DLG1: variants seen among roughly 807,000 people sequenced by gnomAD.
The protein encoded by DLG1 is discs large MAGUK scaffold protein 1.
A neutral mutation model predicts 123.4 loss-of-function variants in DLG1; 42 were observed. The observed-to-expected ratio is 0.34, with a 90% CI of 0.27 to 0.44. The LOEUF (loss-of-function observed/expected upper bound fraction) is 0.44, where lower values mean the gene tolerates loss of function less well. Among genes scored for constraint, DLG1 ranks in the 20% least tolerant of loss-of-function variants. The probability of loss-of-function intolerance (pLI) is 1.00; values close to 1 mark genes in which losing one functional copy is unlikely to be tolerated. For missense variants in DLG1, 942 were observed against 1,082.6 expected (o/e 0.87, Z 1.82); for synonymous variants, 317 against 356.2 (o/e 0.89, Z 1.24).
intron 4 of DLG1, among the ~76,000 whole-genome samples, chr3:197,205,977 T>C (rs551238670): frequency 3.3e-5 from 5 of 152,338 alleles, no homozygotes; most frequent in African/African-American, 9.6e-5. Flanking sequence ...CAAGGAAACT[T>C]TGGGTCCACC....
chr3:197,154,968 C>T (rs980649713), intron 5 of DLG1, among the ~76,000 whole-genome samples: 3 of 152,052 alleles, frequency 2.0e-5, no homozygotes, highest in Non-Finnish European at 4.4e-5. Flanking sequence ...CCAACTAATG[C>T]ATTGTGGGAG....
intron 4 of DLG1, among the ~76,000 whole-genome samples, chr3:197,264,442 A>T (rs1214634260): frequency 1.3e-5 from 2 of 152,124 alleles, no homozygotes; most frequent in African/African-American, 4.8e-5. Flanking sequence ...TTGTTTTTTG[A>T]GATGGAGTTT....
At chr3:197,090,887 C>T in intron 15 of DLG1, 25 bp downstream of exon 15, 3 of 1,381,618 alleles carry the variant, frequency 2.2e-6, no homozygotes, top group Middle Eastern at 1.8e-4. Context: ...TAAGATTTGC[C>T]ATAATTAGAA....
In DLG1 at chr3:197,044,607, A is replaced by G; in HGVS notation, c.*16T>C. 6.4e-7 allele frequency: 1 copy of G among 1,553,352 alleles called. No homozygotes were observed. The highest frequency in any genetic ancestry group is 2.2e-5 in the East Asian group (1 of 44,450). ...AAATGGAATTGTGGAAAAGAGAAAC[A>G]GAGAAACATGAGTTTTCATAGCTTT... On this transcript the variant is annotated 3_prime_UTR_variant, in exon 25 of 25. Transcript: ENST00000667157.
chr3:197,124,497 A>T (rs1778014026), intron 11 of DLG1, among the ~76,000 whole-genome samples: 1 of 151,928 alleles, frequency 6.6e-6, no homozygotes, highest in Non-Finnish European at 1.5e-5. Context: ...GATGGTCTTG[A>T]TCTGCTGACC....
chr3:197,087,237 A>C (rs1020675905), intron 15 of DLG1, among the ~76,000 whole-genome samples: 3 of 151,776 alleles, frequency 2.0e-5, no homozygotes, highest in African/African-American at 7.3e-5. Flanking sequence ...GTTTGGTTTT[A>C]TCATATAATA....
chr3:197,142,180 C>T (rs1428847205), intron 7 of DLG1, among the ~76,000 whole-genome samples: 1 of 152,156 alleles, frequency 6.6e-6, no homozygotes, highest in African/African-American at 2.4e-5. Context: ...ATACTACTTA[C>T]TTAATACGAA....
chr3:197,266,369 G>A (rs981012691), intron 4 of DLG1, among the ~76,000 whole-genome samples: 4 of 151,898 alleles, frequency 2.6e-5, no homozygotes, highest in African/African-American at 9.7e-5. Flanking sequence ...GAAGGATAGA[G>A]TGTGTTAATT....
chr3:197,090,074 T>G (rs1052577318), intron 15 of DLG1, among the ~76,000 whole-genome samples: 13 of 152,206 alleles, frequency 8.5e-5, no homozygotes, highest in Non-Finnish European at 7.4e-5. Flanking sequence ...GATACATGTT[T>G]ATATATGTAA....
intron 5 of DLG1, among the ~76,000 whole-genome samples, chr3:197,170,375 A>C (rs1223356000): frequency 2.6e-5 from 4 of 152,172 alleles, no homozygotes; most frequent in Non-Finnish European, 2.9e-5. Context: ...CACTCTCATC[A>C]ACAGTGTATA....
chr3:197,064,810 T>C (rs1006764456), intron 22 of DLG1, among the ~76,000 whole-genome samples: 2 of 152,052 alleles, frequency 1.3e-5, no homozygotes, highest in Non-Finnish European at 2.9e-5. Context: ...TCTTTCTTTT[T>C]TTTTCTTTTT....
intron 22 of DLG1, among the ~76,000 whole-genome samples, chr3:197,061,459 A>G (rs1431388731): frequency 2.0e-5 from 3 of 152,214 alleles, no homozygotes; most frequent in African/African-American, 4.8e-5. Flanking sequence ...CCAAGTGGCC[A>G]TCTAATGTTC....
intron 15 of DLG1, among the ~76,000 whole-genome samples, chr3:197,088,703 C>T (rs938541764): frequency 6.6e-6 from 1 of 152,092 alleles, no homozygotes; most frequent in Non-Finnish European, 1.5e-5. Context: ...ACTATCAGAC[C>T]GTATGTGTGA....
chr3:197,255,797 C>G (rs1009290787), intron 4 of DLG1, among the ~76,000 whole-genome samples: 2 of 151,122 alleles, frequency 1.3e-5, no homozygotes, highest in African/African-American at 2.4e-5. Flanking sequence ...AAGATTATCT[C>G]TGGGGAGGGT....
intron 4 of DLG1, among the ~76,000 whole-genome samples, chr3:197,216,134 T>C (rs1006769702): frequency 6.6e-6 from 1 of 152,212 alleles, no homozygotes; most frequent in Non-Finnish European, 1.5e-5. Context: ...TTTCTTAAGA[T>C]ATTTCATATA....
chr3:197,064,195 ATT>A (rs58846947), intron 22 of DLG1, among the ~76,000 whole-genome samples: 18 of 115,946 alleles, frequency 1.6e-4, no homozygotes, highest in South Asian at 2.7e-4. Flanking sequence ...GCCTGGCCTT[ATT>A]TTTTTTTTTT....
chr3:197,272,267 C>T (rs1764222515), intron 4 of DLG1, among the ~76,000 whole-genome samples: 1 of 151,840 alleles, frequency 6.6e-6, no homozygotes, highest in Non-Finnish European at 1.5e-5. Context: ...CAGAGGATAG[C>T]TTGAGCCCGT....
Position 197,245,384 on chromosome 3 carries a change from C to T in DLG1, c.318+37295G>A, listed in dbSNP as rs114976706. Among the ~76,000 whole-genome samples the T allele has an allele frequency of 5.3e-3, 805 of 152,242 alleles. 6 individuals are homozygous for T. Among genetic ancestry groups the T allele is most frequent in the African/African-American group, 0.017 (706 of 41,526 alleles). On this transcript the variant is annotated intron_variant, in intron 4 of 24. Coordinates refer to ENST00000667157, the MANE Select transcript of DLG1 (RefSeq NM_001366207.1). ...TACTATCACCAGTAGATACTTTAGG[C>T]GGCCTGTTGGGGGTATTTTGGTATA...
At chr3:197,105,473 CT>C (rs1366207937) in intron 13 of DLG1, among the ~76,000 whole-genome samples, 1 of 152,210 alleles carries the variant, frequency 6.6e-6, no homozygotes, top group Non-Finnish European at 1.5e-5. Flanking sequence ...AACTTCCATT[CT>C]TTTGGTATAA....
Sources: gnomAD v4.1 joint callset for allele counts (sites outside exome capture counted in the v4.1 genomes callset) on GRCh38, gnomAD v4.1.1 for gene constraint, MANE v1.5 for transcripts, NCBI Gene and HGNC (gene_info 2026-07-23, HGNC 2026-07-21) for gene names.